Variants in DAB2IP observed in about 807,000 individuals in gnomAD.
DAB2IP encodes the protein DAB2 interacting protein.
DAB2IP carries 28 observed loss-of-function variants against 107.2 expected under a neutral mutation model. The ratio of observed to expected loss-of-function variants is 0.26; its 90% confidence interval spans 0.19 to 0.36. The LOEUF (loss-of-function observed/expected upper bound fraction) is 0.36, where lower values mean the gene tolerates loss of function less well. Among genes scored for constraint, DAB2IP ranks in the 10% least tolerant of loss-of-function variants. The pLI, the probability that DAB2IP is intolerant of heterozygous loss-of-function variation, is 1.00. For missense variants in DAB2IP, 1,400 were observed against 1,644.7 expected, an observed-to-expected ratio of 0.85 and a Z score of 2.57; for synonymous variants, 755 against 706.4, an observed-to-expected ratio of 1.07 and a Z score of -1.09.
At chr9:121,761,883 T>C (rs1022982688) in intron 6 of DAB2IP, among the ~76,000 whole-genome samples, 15 of 152,154 alleles carry the variant, frequency 9.9e-5, no homozygotes, top group Non-Finnish European at 1.8e-4. Context: ...TCTGCAGTTG[T>C]GTCTGATGTT....
intron 3 of DAB2IP, among the ~76,000 whole-genome samples, chr9:121,733,019 A>G (rs1402924168): frequency 1.3e-5 from 2 of 152,192 alleles, no homozygotes; most frequent in East Asian, 1.9e-4. Flanking sequence ...TTGGCCCTCA[A>G]TCTAATACCA....
rs116096245 is a variant in DAB2IP, at chr9:121,746,303, C to T, written c.363-10710C>T. 1.5e-3 allele frequency among the ~76,000 whole-genome samples: 222 copies of T among 152,314 alleles called. 1 individual carries two copies. Among genetic ancestry groups the T allele is most frequent in the African/African-American group, 5.1e-3 (212 of 41,562 alleles). On this transcript the variant is annotated intron_variant, in intron 3 of 15. Transcript: ENST00000408936. Reference sequence around the variant, plus strand: ...TGTGTATGGAGAGCTCGCTGCAGGTCAGTTGAGCCCTACAGCCAAAGGTGG... The same window carrying T: ...TGTGTATGGAGAGCTCGCTGCAGGTTAGTTGAGCCCTACAGCCAAAGGTGG...
intron 3 of DAB2IP, among the ~76,000 whole-genome samples, chr9:121,738,430 T>C (rs1832085723): frequency 6.6e-6 from 1 of 152,214 alleles, no homozygotes; most frequent in South Asian, 2.1e-4. Context: ...GGTTTTTTTT[T>C]CTTCTTTCCT....
intron 3 of DAB2IP, among the ~76,000 whole-genome samples, chr9:121,709,836 A>T (rs1830246711): frequency 6.6e-6 from 1 of 152,196 alleles, no homozygotes. Context: ...GTATAAAATC[A>T]CATAGCCAGG....
At chr9:121,619,230 T>A (rs193271336) in intron 1 of DAB2IP, among the ~76,000 whole-genome samples, 5 of 152,266 alleles carry the variant, frequency 3.3e-5, no homozygotes, top group Admixed American at 3.3e-4. Context: ...CACTGCAACC[T>A]CTGTCTCCCA....
rs1030685364 is a variant in DAB2IP, at chr9:121,751,944, T to C, written c.363-5069T>C. Reference sequence around the variant, plus strand: ...ACCTGGATGTCATGGTGCCACCTCCTTCCTGGGAGCAGTAAGGATTCCATG... The same window carrying C: ...ACCTGGATGTCATGGTGCCACCTCCCTCCTGGGAGCAGTAAGGATTCCATG... On this transcript the variant is annotated intron_variant, in intron 3 of 15. Coordinates refer to ENST00000408936, the Ensembl canonical transcript of DAB2IP. The C allele has an allele frequency of 1.1e-4, 106 of 985,514 alleles. No individual in the cohort carries two copies. The Middle Eastern group carries it at 2.1e-3, about 19-fold the overall frequency. 61.0% of individuals were successfully genotyped at this position (985,514 alleles called of 1,614,324 possible).
chr9:121,758,057 G>A (rs528097746), intron 4 of DAB2IP, among the ~76,000 whole-genome samples: 1 of 152,364 alleles, frequency 6.6e-6, no homozygotes, highest in East Asian at 1.9e-4. Flanking sequence ...TCTGGGTTCT[G>A]ACTTCCTTGC....
chr9:121,783,868 CCT>C (rs1005143476), exon 16 of DAB2IP: 4 of 415,592 alleles, frequency 9.6e-6, no homozygotes, highest in Non-Finnish European at 1.8e-5. Flanking sequence ...TCTCTCGGCC[CCT>C]GTCTGTTCCC....
chr9:121,577,323 T>C (rs934167452), intron 1 of DAB2IP, among the ~76,000 whole-genome samples: 1 of 152,168 alleles, frequency 6.6e-6, no homozygotes, highest in African/African-American at 2.4e-5. Flanking sequence ...CTGTCCAATC[T>C]GGAAGCCTGT....
At chr9:121,668,746 G>A (rs1007123749) in intron 1 of DAB2IP, among the ~76,000 whole-genome samples, 1 of 151,746 alleles carries the variant, frequency 6.6e-6, no homozygotes, top group Non-Finnish European at 1.5e-5. Flanking sequence ...TTCATAGCCC[G>A]TCCCCTTCTC....
At chr9:121,687,275 A>C (rs1828931475) in intron 2 of DAB2IP, among the ~76,000 whole-genome samples, 1 of 152,130 alleles carries the variant, frequency 6.6e-6, no homozygotes, top group Non-Finnish European at 1.5e-5. Context: ...GCCTAGGTTG[A>C]CCAGAAAGCC....
chr9:121,569,377 C>T (rs1829881423), intron 1 of DAB2IP, among the ~76,000 whole-genome samples: 1 of 152,234 alleles, frequency 6.6e-6, no homozygotes, highest in South Asian at 2.1e-4. Flanking sequence ...TGTGGAAGCC[C>T]TAACCCTATA....
intron 1 of DAB2IP, among the ~76,000 whole-genome samples, chr9:121,612,778 G>C (rs1831140486): frequency 6.6e-6 from 1 of 152,184 alleles, no homozygotes; most frequent in Non-Finnish European, 1.5e-5. Context: ...GGGGAGGTAA[G>C]AGGTCAAGTG....
intron 1 of DAB2IP, among the ~76,000 whole-genome samples, chr9:121,567,969 A>C (rs1829847416): frequency 6.6e-6 from 1 of 150,806 alleles, no homozygotes; most frequent in African/African-American, 2.4e-5. Flanking sequence ...GGGACGCAAG[A>C]GTGCAAGAGT....
intron 1 of DAB2IP, among the ~76,000 whole-genome samples, chr9:121,569,095 G>A (rs1829872123): frequency 6.6e-6 from 1 of 152,228 alleles, no homozygotes; most frequent in African/African-American, 2.4e-5. Context: ...CCCAGCTGGA[G>A]AGGGGTCTGG....
chr9:121,782,563 C>G lies in DAB2IP; in HGVS notation c.*65C>G. ...ACTATGGTGGCCAAGGGCAGGGTCT[C>G]GGCCTGGGGAGGCACCCACGGTTGC... On this transcript the variant is annotated 3_prime_UTR_variant, in exon 16 of 16. Transcript: ENST00000408936. The surrounding 1 kb of genome is among the most constrained non-coding windows in gnomAD (Gnocchi z 6.1). The G allele has an allele frequency of 6.3e-7, 1 of 1,578,124 alleles. No individual in the cohort carries two copies. Among genetic ancestry groups the G allele is most frequent in the Non-Finnish European group, 8.6e-7 (1 of 1,157,868 alleles).
At position 121,776,075 on chromosome 9, in the gene DAB2IP, C is replaced by G. The variant is rs942037507; in HGVS notation, c.3121-123C>G. 3 of 1,134,540 alleles carry G rather than the reference C, an allele frequency of 2.6e-6. No homozygotes were observed. The highest frequency in any genetic ancestry group is 5.2e-5 in the Admixed American group (2 of 38,416). The allele number at this position is 1,134,540 out of a possible 1,614,324, so 70.3% of individuals were successfully genotyped here. ...GCATCTCCTTGCTATGTGAAGTGGG[C>G]GGGTCACAGCCACTGGGGCCTTTCA... On this transcript the variant is annotated intron_variant, in intron 13 of 15. Coordinates refer to ENST00000408936, the Ensembl canonical transcript of DAB2IP. This position sits in a 1 kb window ranked among gnomAD's most constrained non-coding sequence, Gnocchi z 5.4.
rs1831951439 is a variant in DAB2IP at position 121,633,027 on chromosome 9, C to T, written c.41-45651C>T. 6.6e-6 allele frequency among the ~76,000 whole-genome samples: 1 copy of T among 152,202 alleles called. No individual in the cohort carries two copies. Among genetic ancestry groups the T allele is most frequent in the Non-Finnish European group, 1.5e-5 (1 of 68,030 alleles). On this transcript the variant is annotated intron_variant, in intron 1 of 16. Coordinates refer to the DAB2IP transcript ENST00000259371. The surrounding 1 kb of genome is among the most constrained non-coding windows in gnomAD (Gnocchi z 5.1). ...TCCCTCTCTCCCAGACTGAGGGGTT[C>T]CAGCTGCTCCGGGCAGTGGGAGCCC... is the stretch of plus-strand genomic sequence containing the variant.
chr9:121,625,050 G>A (rs1023647317), intron 1 of DAB2IP, among the ~76,000 whole-genome samples: 2 of 152,198 alleles, frequency 1.3e-5, no homozygotes, highest in African/African-American at 4.8e-5. Flanking sequence ...GGAGGGAGGG[G>A]CCCTGCTTTG....
Sources: allele counts gnomAD v4.1 joint callset (sites outside exome capture counted in the v4.1 genomes callset), GRCh38; gene constraint gnomAD v4.1.1; non-coding constraint Gnocchi (gnomAD v3.1); transcripts MANE v1.5; gene names NCBI Gene and HGNC (gene_info 2026-07-23, HGNC 2026-07-21).